The following CWC27 variants were observed in gnomAD, a reference collection of about 807,000 sequenced individuals.
The protein encoded by CWC27 is CWC27 spliceosome associated cyclophilin, also known as spliceosome-associated protein CWC27 homolog.
In CWC27, 47 loss-of-function variants were observed where a neutral mutation model predicts 63.6. The observed-to-expected ratio is 0.74, with a 90% CI of 0.58 to 0.94. The LOEUF is 0.94. Among genes scored for constraint, CWC27 ranks in the 40% least tolerant of loss-of-function variants. The pLI is 0.00. For missense variants in CWC27, 495 were observed against 554.3 expected (o/e 0.89, Z 1.07); for synonymous variants, 175 against 179.8 (o/e 0.97, Z 0.22).
intron 6 of CWC27, among the ~76,000 whole-genome samples, chr5:64,788,374 G>A (rs997260943): frequency 1.3e-5 from 2 of 151,804 alleles, no homozygotes; most frequent in African/African-American, 4.8e-5. Flanking sequence ...TTGAGAGACA[G>A]TTTTAGTAAC....
intron 4 of CWC27, 48 bp downstream of exon 4, chr5:64,784,027 G>T: frequency 6.8e-7 from 1 of 1,481,218 alleles, no homozygotes; most frequent in South Asian, 1.4e-5. Flanking sequence ...TTGGTTTTAT[G>T]TTATTCCTTA....
intron 11 of CWC27, among the ~76,000 whole-genome samples, chr5:64,971,357 A>G (rs1460712149): frequency 1.1e-4 from 16 of 152,228 alleles, no homozygotes; most frequent in Non-Finnish European, 2.9e-5. Flanking sequence ...AAGGCAAGGA[A>G]AAAATGTAAA....
intron 10 of CWC27, among the ~76,000 whole-genome samples, chr5:64,858,197 T>C (rs1242571473): frequency 9.9e-5 from 13 of 131,692 alleles, no homozygotes; most frequent in African/African-American, 3.4e-4. Context: ...TGGTGGCTCA[T>C]GCCTGTAATC....
chr5:64,987,037 C>T lies in CWC27; in HGVS notation c.1256+9799C>T, dbSNP rs529371767. Among the ~76,000 whole-genome samples, 346 of 151,832 alleles carry T rather than the reference C, an allele frequency of 2.3e-3. 3 individuals are homozygous for T. Among genetic ancestry groups the T allele is most frequent in the African/African-American group, 7.8e-3 (323 of 41,450 alleles). On this transcript the variant is annotated intron_variant, in intron 13 of 13. Coordinates refer to ENST00000381070, the MANE Select transcript of CWC27 (RefSeq NM_005869.4). ...CCTCCCTTTTTTATTCTTCAGTTTCCTCTGTTTTGTTTTGTTTTGTTTTGT... is the reference window on the plus strand; with the variant it reads ...CCTCCCTTTTTTATTCTTCAGTTTCTTCTGTTTTGTTTTGTTTTGTTTTGT...
chr5:64,831,486 A>G (rs1420865572), intron 10 of CWC27, among the ~76,000 whole-genome samples: 1 of 151,278 alleles, frequency 6.6e-6, no homozygotes, highest in African/African-American at 2.4e-5. Context: ...AGATAGATAG[A>G]TAGATAGATA....
Position 64,774,722 on chromosome 5 carries a change from A to T in CWC27, c.74A>T (p.Asp25Val), listed in dbSNP as rs1428008234. ...VLLKTTAGDI[D>V]IELWSKEAPK... ...TTGAAAACTACAGCTGGAGATATTGACATAGAGTTGTGGTCCAAAGAAGCT... is the reference window on the plus strand; with the variant it reads ...TTGAAAACTACAGCTGGAGATATTGTCATAGAGTTGTGGTCCAAAGAAGCT... The change falls in exon 2 of 14, where the codon GAC (aspartate) becomes GTC (valine). Residue 25 changes from aspartate (D) to valine (V), a missense_variant. Transcript: ENST00000381070. The T allele has an allele frequency of 6.2e-7, 1 of 1,602,872 alleles. No homozygotes were observed. Among genetic ancestry groups the T allele is most frequent in the Admixed American group, 1.7e-5 (1 of 58,364 alleles).
intron 11 of CWC27, among the ~76,000 whole-genome samples, chr5:64,939,484 TGGAAGCTTCATCCCAGAGG>T (rs972728757): frequency 4.6e-5 from 7 of 152,174 alleles, no homozygotes; most frequent in African/African-American, 1.7e-4. Context: ...TTCCTTCTTC[TGGAAGCTTCATCCCAGAGG>T]GGAACCCGCC....
chr5:64,800,204 C>A, intron 7 of CWC27, 44 bp from the exon 8 acceptor site: 1 of 1,256,958 alleles, frequency 8.0e-7, no homozygotes, highest in Non-Finnish European at 1.1e-6. Flanking sequence ...TTTAGGAATA[C>A]TGTTTATTTC....
intron 13 of CWC27, among the ~76,000 whole-genome samples, chr5:65,007,769 A>G (rs746280944): frequency 6.6e-6 from 1 of 151,980 alleles, no homozygotes; most frequent in Non-Finnish European, 1.5e-5. Flanking sequence ...CTGGGACTAC[A>G]GGCGCCAGCC....
At chr5:64,811,425 T>C (rs1395902497) in intron 10 of CWC27, among the ~76,000 whole-genome samples, 1 of 152,128 alleles carries the variant, frequency 6.6e-6, no homozygotes, top group Non-Finnish European at 1.5e-5. Flanking sequence ...TATTGTGCAA[T>C]TTCTATCATC....
At position 64,768,971 on chromosome 5, in the gene CWC27, G is replaced by C; in HGVS notation, c.-176G>C. The C allele has an allele frequency of 1.7e-6, 1 of 601,070 alleles. No homozygotes were observed. The highest frequency in any genetic ancestry group is 3.0e-6 in the Non-Finnish European group (1 of 336,966). 37.2% of individuals were successfully genotyped at this position (601,070 alleles called of 1,614,324 possible). A position where few individuals can be genotyped will look rare whatever the true frequency, so the allele number is the denominator to read the frequency against. On this transcript the variant is annotated 5_prime_UTR_variant, in exon 1 of 14. Transcript: ENST00000381070. Reference sequence around the variant, plus strand: ...GGTAACAACATGGCGGCGTCCGTGAGGGGCTCCTTTGGGCAGGGGTAGTGT... The same window carrying C: ...GGTAACAACATGGCGGCGTCCGTGACGGGCTCCTTTGGGCAGGGGTAGTGT...
intron 10 of CWC27, among the ~76,000 whole-genome samples, chr5:64,857,742 T>A (rs1746289088): frequency 6.6e-6 from 1 of 152,172 alleles, no homozygotes; most frequent in African/African-American, 2.4e-5. Flanking sequence ...GTTATTAGAA[T>A]TGTGATTGTG....
chr5:64,951,691 T>C (rs761264906), intron 11 of CWC27, among the ~76,000 whole-genome samples: 6 of 151,990 alleles, frequency 3.9e-5, no homozygotes, highest in Non-Finnish European at 7.4e-5. Flanking sequence ...ACTTTCTTCA[T>C]ATATAGATTT....
chr5:64,905,562 T>G (rs1321698983), intron 11 of CWC27, among the ~76,000 whole-genome samples: 2 of 152,174 alleles, frequency 1.3e-5, no homozygotes, highest in Non-Finnish European at 2.9e-5. Context: ...TGCCCATAAT[T>G]TATGTAAATT....
At chr5:64,885,701 GTGT>G (rs1747056889) in intron 11 of CWC27, among the ~76,000 whole-genome samples, 155 bp downstream of exon 11, 3 of 141,304 alleles carry the variant, frequency 2.1e-5, no homozygotes, top group African/African-American at 8.6e-5. Context: ...GAGTTAGGGT[GTGT>G]GTGTGTGTGT....
intron 10 of CWC27, among the ~76,000 whole-genome samples, chr5:64,829,711 G>A (rs1363813034): frequency 2.1e-5 from 3 of 145,186 alleles, no homozygotes; most frequent in Non-Finnish European, 4.5e-5. Context: ...TGTTACATAG[G>A]TATACACGTG....
At chr5:64,769,579 A>C (rs979184320) in intron 1 of CWC27, among the ~76,000 whole-genome samples, 2 of 152,202 alleles carry the variant, frequency 1.3e-5, no homozygotes, top group Non-Finnish European at 2.9e-5. Flanking sequence ...TGGGCACTGT[A>C]CTAGGCGCCG....
chr5:64,943,235 C>G (rs2112417073), intron 11 of CWC27, among the ~76,000 whole-genome samples: 1 of 151,172 alleles, frequency 6.6e-6, no homozygotes, highest in Middle Eastern at 3.4e-3. Flanking sequence ...GTGTGTGTTA[C>G]TAAGGAAAGA....
chr5:64,999,494 C>T (rs77145007), intron 13 of CWC27, among the ~76,000 whole-genome samples: 7,522 of 152,102 alleles, frequency 0.049, 453 homozygotes, highest in African/African-American at 0.14. Flanking sequence ...CCTCTCCACA[C>T]CACCCTTCCC....
Sources: allele counts gnomAD v4.1 joint callset (sites outside exome capture counted in the v4.1 genomes callset), GRCh38; gene constraint gnomAD v4.1.1; transcripts MANE v1.5; gene names NCBI Gene and HGNC (gene_info 2026-07-23, HGNC 2026-07-21).